IGSF10: variants seen among roughly 807,000 people sequenced by gnomAD.
IGSF10 encodes calvaria mechanical force protein 608.
A neutral mutation model predicts 128.2 loss-of-function variants in IGSF10; 126 were observed. The observed-to-expected ratio is 0.98, with a 90% CI of 0.85 to 1.14. IGSF10 has a LOEUF of 1.14. Among genes scored for constraint, IGSF10 ranks in the 50% most tolerant of loss-of-function variants. The probability of loss-of-function intolerance (pLI) is 0.00; values close to 1 mark genes in which losing one functional copy is unlikely to be tolerated. For synonymous variants in IGSF10, 1,185 were observed against 1,146.2 expected (o/e 1.03, Z -0.68); for missense variants, 3,295 against 3,149.8 (o/e 1.05, Z -1.10).
At position 151,453,443 on chromosome 3, in the gene IGSF10, T is replaced by C. The variant is rs149364604; in HGVS notation, c.656A>G (p.Asn219Ser). The C allele has an allele frequency of 1.2e-4, 187 of 1,613,124 alleles. 1 individual carries two copies. In the Middle Eastern group the frequency reaches 1.5e-3, roughly 13 times the overall value. Residue 219 changes from asparagine (N) to serine (S), a missense_variant, in exon 5 of 8, where the codon AAC (asparagine) becomes AGC (serine). By Grantham distance (46) the Asn-to-Ser change is conservative (BLOSUM62 1). Transcript: ENST00000282466. ...PDLDSLYLHG[N>S]PWTCDCHLKW... ...TAAATGGCAATCACAGGTCCATGGGTTTCCATGCAGGTAAAGGCTGTCTAG... is the reference window on the plus strand; with the variant it reads ...TAAATGGCAATCACAGGTCCATGGGCTTCCATGCAGGTAAAGGCTGTCTAG...
At chr3:151,565,711 T>C in the IGSF10 span, among the ~76,000 whole-genome samples, 13 of 152,246 alleles carry the variant, frequency 8.5e-5, no homozygotes, top group African/African-American at 2.9e-4. Context: ...TCTAGTGAGT[T>C]ACTGAGCTAA....
the IGSF10 span, among the ~76,000 whole-genome samples, chr3:151,586,916 G>T: frequency 6.6e-6 from 1 of 152,144 alleles, no homozygotes; most frequent in Admixed American, 6.5e-5. Flanking sequence ...ATTAGCAAAG[G>T]AAATGCAATA....
At chr3:151,552,765 G>A in the IGSF10 span, among the ~76,000 whole-genome samples, 2 of 152,118 alleles carry the variant, frequency 1.3e-5, no homozygotes, top group Non-Finnish European at 2.9e-5. Context: ...CTCATAGTTC[G>A]CTTTGCCTAC....
At chr3:151,487,097 GA>G in the IGSF10 span, among the ~76,000 whole-genome samples, 238 of 151,576 alleles carry the variant, frequency 1.6e-3, 4 homozygotes, top group East Asian at 0.024. Flanking sequence ...GACTAATGAA[GA>G]AGAAAGGAAA....
the IGSF10 span, among the ~76,000 whole-genome samples, chr3:151,570,647 T>C: frequency 6.6e-6 from 1 of 152,226 alleles, no homozygotes; most frequent in Admixed American, 6.5e-5. Flanking sequence ...CTTTGTCAGA[T>C]GAGTAGATTG....
At chr3:151,471,149 A>G in the IGSF10 span, among the ~76,000 whole-genome samples, 1 of 152,260 alleles carries the variant, frequency 6.6e-6, no homozygotes, top group South Asian at 2.1e-4. Flanking sequence ...TGATGGTTTT[A>G]TAAAGGGGAA....
the IGSF10 span, among the ~76,000 whole-genome samples, chr3:151,568,780 C>T: frequency 1.3e-5 from 2 of 152,166 alleles, no homozygotes; most frequent in African/African-American, 2.4e-5. Flanking sequence ...GAATGGGCTG[C>T]TGAAGCTCCA....
In IGSF10 at chr3:151,446,879, A is replaced by C. The variant is rs1375868149; in HGVS notation, c.3102T>G (p.His1034Gln). The C allele has an allele frequency of 1.2e-6, 2 of 1,614,044 alleles. No individual in the cohort carries two copies. The highest frequency in any genetic ancestry group is 2.7e-5 in the African/African-American group (2 of 74,912). Reference protein sequence around the residue: ...SPYRTPVLRRHRYSIFRSTTR... With the variant: ...SPYRTPVLRRQRYSIFRSTTR... ...TTGTTGACCTGAAAATGCTGTATCTATGCCGTCGCAGAACTGGAGTTCTAT... is the reference window on the plus strand; with the variant it reads ...TTGTTGACCTGAAAATGCTGTATCTCTGCCGTCGCAGAACTGGAGTTCTAT... The change falls in exon 6 of 8, where the codon CAT becomes CAG. Residue 1034 changes from histidine to glutamine, a missense_variant. Physicochemically the swap from His to Gln is conservative, Grantham distance 24. Transcript: ENST00000282466.
chr3:151,617,361 C>T, the IGSF10 span, among the ~76,000 whole-genome samples: 1 of 131,414 alleles, frequency 7.6e-6, no homozygotes, highest in Non-Finnish European at 1.6e-5. Context: ...CCTCCTCCTT[C>T]TCCTTCTTCT....
At chr3:151,530,110 A>G in the IGSF10 span, among the ~76,000 whole-genome samples, 1 of 151,938 alleles carries the variant, frequency 6.6e-6, no homozygotes, top group Non-Finnish European at 1.5e-5. Flanking sequence ...AAAGGCTATC[A>G]GAGATTGAAG....
At chr3:151,491,596 CAAT>C in the IGSF10 span, among the ~76,000 whole-genome samples, 8 of 151,990 alleles carry the variant, frequency 5.3e-5, no homozygotes, top group Non-Finnish European at 7.4e-5. Context: ...AACAAACAAA[CAAT>C]AAATACATAA....
chr3:151,449,169 A>T lies in IGSF10; in HGVS notation c.812T>A (p.Met271Lys). Residue 271 changes from methionine to lysine, a missense_variant, in exon 6 of 8, where the codon ATG (methionine) becomes AAG (lysine). By Grantham distance (95) the Met-to-Lys change is moderately conservative. Coordinates refer to ENST00000282466, the MANE Select transcript of IGSF10 (RefSeq NM_178822.5). ...ACACTGGAAAGCTGCAGCTGAGACCATAGCTAACGGCTTGCCTTTAGAAGT... is the reference window on the plus strand; with the variant it reads ...ACACTGGAAAGCTGCAGCTGAGACCTTAGCTAACGGCTTGCCTTTAGAAGT... ...PRTSKGKPLAMVSAAAFQCAK... is the reference protein window; with the variant it reads ...PRTSKGKPLAKVSAAAFQCAK... 1 of 1,614,234 alleles carries T rather than the reference A, an allele frequency of 6.2e-7. No homozygotes were observed. Among genetic ancestry groups the T allele is most frequent in the East Asian group, 2.2e-5 (1 of 44,890 alleles).
At chr3:151,499,072 G>A in the IGSF10 span, among the ~76,000 whole-genome samples, 1 of 152,098 alleles carries the variant, frequency 6.6e-6, no homozygotes, top group African/African-American at 2.4e-5. Context: ...TTTTACTTTT[G>A]TACATGTTTT....
chr3:151,619,044 A>G, the IGSF10 span, among the ~76,000 whole-genome samples: 1 of 151,634 alleles, frequency 6.6e-6, no homozygotes, highest in Non-Finnish European at 1.5e-5. Flanking sequence ...ATTAATAAAT[A>G]GAATAGTTAC....
chr3:151,590,639 A>G, the IGSF10 span, among the ~76,000 whole-genome samples: 1 of 152,212 alleles, frequency 6.6e-6, no homozygotes, highest in South Asian at 2.1e-4. Context: ...ATTCATGACC[A>G]AGGTGTTAGG....
chr3:151,473,342 G>A, the IGSF10 span, among the ~76,000 whole-genome samples: 1 of 152,192 alleles, frequency 6.6e-6, no homozygotes, highest in Non-Finnish European at 1.5e-5. Flanking sequence ...GACTCCAAGG[G>A]AGGAATGGAA....
chr3:151,474,277 G>A, the IGSF10 span, among the ~76,000 whole-genome samples: 1 of 152,104 alleles, frequency 6.6e-6, no homozygotes, highest in Non-Finnish European at 1.5e-5. Flanking sequence ...AATTTAAAAG[G>A]TGGGTGATAC....
chr3:151,600,150 A>C, the IGSF10 span, among the ~76,000 whole-genome samples: 1 of 152,154 alleles, frequency 6.6e-6, no homozygotes, highest in African/African-American at 2.4e-5. Context: ...TTAAAGTTTT[A>C]AAGTTCATTC....
chr3:151,435,202 A>C (rs1360868742), downstream of IGSF10: 1 of 151,694 alleles, frequency 6.6e-6, no homozygotes, highest in South Asian at 2.1e-4. Context: ...GCGAGACCCC[A>C]GCTCCCCTTA....
Sources: gnomAD v4.1 joint callset for allele counts (sites outside exome capture counted in the v4.1 genomes callset) on GRCh38, gnomAD v4.1.1 for gene constraint, MANE v1.5 for transcripts, NCBI Gene and HGNC (gene_info 2026-07-23, HGNC 2026-07-21) for gene names.